GEMIN8: variants seen among roughly 807,000 people sequenced by gnomAD.
GEMIN8 encodes the protein gem nuclear organelle associated protein 8.
For synonymous variants in GEMIN8, 80 were observed against 78.5 expected (o/e 1.02, Z -0.10); for missense variants, 185 against 205.9 (o/e 0.90, Z 0.62).
the GEMIN8 span, among the ~76,000 whole-genome samples, chrX:14,000,585 A>G: frequency 9.7e-6 from 1 of 103,488 alleles, no homozygotes; most frequent in Non-Finnish European, 2.0e-5. Context: ...TGACAGAGCA[A>G]GACTCCATCT....
intron 4 of GEMIN8, among the ~76,000 whole-genome samples, chrX:14,011,516 C>CTTT (rs575651297): frequency 5.0e-5 from 3 of 60,386 alleles, no homozygotes; most frequent in Non-Finnish European, 9.0e-5. Flanking sequence ...CTATGGCTCT[C>CTTT]TTTTTTTTTT....
the GEMIN8 span, among the ~76,000 whole-genome samples, chrX:14,000,392 C>T: frequency 9.0e-6 from 1 of 110,615 alleles, no homozygotes; most frequent in African/African-American, 3.3e-5. Context: ...GTTAGGAGAT[C>T]GAGACCATCC....
the GEMIN8 span, among the ~76,000 whole-genome samples, chrX:13,995,701 A>G: frequency 3.6e-5 from 4 of 110,627 alleles, no homozygotes; most frequent in South Asian, 1.6e-3. Context: ...CATTACTCCA[A>G]CCTCTGCTTC....
At chrX:14,020,677 C>G in intron 3 of GEMIN8, 143 bp from the exon 4 acceptor site, 1 of 451,703 alleles carries the variant, frequency 2.2e-6, no homozygotes, top group South Asian at 3.4e-5. Context: ...CTACTGGGCC[C>G]AAAATATTGT....
chrX:13,988,201 C>T, the GEMIN8 span, among the ~76,000 whole-genome samples: 2 of 111,146 alleles, frequency 1.8e-5, no homozygotes, highest in Non-Finnish European at 3.8e-5. Context: ...GGGTGGGATG[C>T]GGGCGTAGCA....
At chrX:13,999,972 T>C in the GEMIN8 span, among the ~76,000 whole-genome samples, 8 of 111,492 alleles carry the variant, frequency 7.2e-5, no homozygotes, top group Admixed American at 6.7e-4. Context: ...CTGTACTTTG[T>C]TGTTTGGAAG....
chrX:14,002,555 T>C (rs1420590478), downstream of GEMIN8, among the ~76,000 whole-genome samples: 1 of 111,479 alleles, frequency 9.0e-6, no homozygotes, highest in Admixed American at 9.5e-5. Context: ...TGGTGCAATC[T>C]CGGCTCACTG....
the GEMIN8 span, among the ~76,000 whole-genome samples, chrX:13,990,739 T>A: frequency 0.028 from 3,159 of 112,669 alleles, 53 homozygotes; most frequent in African/African-American, 0.062. Flanking sequence ...TGCACTTTGC[T>A]TTTTTGTTTT....
At chrX:13,993,157 T>C in the GEMIN8 span, among the ~76,000 whole-genome samples, 1 of 112,262 alleles carries the variant, frequency 8.9e-6, no homozygotes, top group Non-Finnish European at 1.9e-5. Flanking sequence ...GAGAAATGGC[T>C]TTGTTCATTC....
chrX:14,008,259 G>T lies in GEMIN8; in HGVS notation c.*654C>A, dbSNP rs913297146. The T allele has an allele frequency of 8.9e-6, 1 of 112,219 alleles. No individual in the cohort carries two copies. The highest frequency in any genetic ancestry group is 1.9e-5 in the Non-Finnish European group (1 of 53,309). 9.2% of individuals were successfully genotyped at this position (112,219 alleles called of 1,213,427 possible). A position where few individuals can be genotyped will look rare whatever the true frequency, so the allele number is the denominator to read the frequency against. On this transcript the variant is annotated 3_prime_UTR_variant, in exon 5 of 5. Coordinates refer to ENST00000680255, the MANE Select transcript of GEMIN8 (RefSeq NM_001042479.2). ...CCCAAAGTGCTGGGATTACAGGCAT[G>T]AACCATTGCGCCCGGCCGCCTGTTT...
chrX:14,028,970 T>A (rs988102635), intron 1 of GEMIN8, among the ~76,000 whole-genome samples: 2 of 112,369 alleles, frequency 1.8e-5, no homozygotes, highest in South Asian at 3.7e-4. Flanking sequence ...CTAGATTTTT[T>A]AAGTAATATT....
At chrX:14,014,105 CAT>C (rs1923749606) in intron 4 of GEMIN8, 3 of 747,139 alleles carry the variant, frequency 4.0e-6, no homozygotes, top group African/African-American at 2.3e-5. Context: ...TTATTCCACA[CAT>C]AGAGCCCAAA....
chrX:14,016,866 A>AAAAT (rs1555947311), intron 4 of GEMIN8, among the ~76,000 whole-genome samples: 168 of 57,130 alleles, frequency 2.9e-3, no homozygotes, highest in Non-Finnish European at 4.4e-3. Flanking sequence ...AAAAAAAAAA[A>AAAAT]ATATATATAT....
intron 4 of GEMIN8, among the ~76,000 whole-genome samples, chrX:14,012,361 C>A (rs900465925): frequency 9.1e-6 from 1 of 109,296 alleles, no homozygotes; most frequent in African/African-American, 3.3e-5. Flanking sequence ...TGAACTCAAG[C>A]GATCCACCTG....
At chrX:13,989,671 G>A in the GEMIN8 span, among the ~76,000 whole-genome samples, 2 of 112,689 alleles carry the variant, frequency 1.8e-5, no homozygotes, top group Non-Finnish European at 1.9e-5. Flanking sequence ...CTCAGATCCA[G>A]TGTGCACTGA....
At chrX:13,995,186 A>G in the GEMIN8 span, among the ~76,000 whole-genome samples, 6 of 111,865 alleles carry the variant, frequency 5.4e-5, no homozygotes, top group Non-Finnish European at 1.1e-4. Context: ...CAGGGGCTCA[A>G]CTCCCTATCA....
chrX:13,993,807 C>A, the GEMIN8 span, among the ~76,000 whole-genome samples: 1 of 111,347 alleles, frequency 9.0e-6, no homozygotes, highest in East Asian at 2.8e-4. Flanking sequence ...TTATTTACAT[C>A]TGTGCTACTC....
the GEMIN8 span, among the ~76,000 whole-genome samples, chrX:13,998,224 G>A: frequency 1.8e-5 from 2 of 109,560 alleles, no homozygotes; most frequent in Non-Finnish European, 3.8e-5. Flanking sequence ...ATAAGTACAT[G>A]CAACCACACC....
Position 14,021,475 on chromosome X carries a change from C to A in GEMIN8, c.4G>T (p.Ala2Ser), listed in dbSNP as rs1924313426. M[A>S]AVKASTSKAT... ...AATAAAAATCTTACCTTTACCGCTGCCATCTCTGATTGTGAAAGTCCAAAT... is the reference window on the plus strand; with the variant it reads ...AATAAAAATCTTACCTTTACCGCTGACATCTCTGATTGTGAAAGTCCAAAT... The change falls in exon 3 of 5, where the codon GCA (alanine) becomes TCA (serine). Residue 2 changes from alanine (A) to serine (S), a missense_variant. Physicochemically the swap from Ala to Ser is moderately conservative, Grantham distance 99. Transcript: ENST00000680255. The A allele has an allele frequency of 8.8e-7, 1 of 1,134,203 alleles. No individual in the cohort carries two copies. Among genetic ancestry groups the A allele is most frequent in the African/African-American group, 1.8e-5 (1 of 55,969 alleles). The allele number at this position is 1,134,203 out of a possible 1,213,427, so 93.5% of individuals were successfully genotyped here.
Sources: gnomAD v4.1 joint callset for allele counts (sites outside exome capture counted in the v4.1 genomes callset) on GRCh38, gnomAD v4.1.1 for gene constraint, MANE v1.5 for transcripts, NCBI Gene and HGNC (gene_info 2026-07-23, HGNC 2026-07-21) for gene names.